Variants in TOPORS observed in about 807,000 individuals in gnomAD.
The protein encoded by TOPORS is TOP1 binding arginine/serine rich protein, E3 ubiquitin ligase.
TOPORS carries 25 observed loss-of-function variants against 81.4 expected under a neutral mutation model. The observed-to-expected ratio is 0.31, with a 90% CI of 0.22 to 0.43. The LOEUF (loss-of-function observed/expected upper bound fraction) is 0.43. TOPORS is among the 20% of genes least tolerant of loss of function. TOPORS has a pLI of 1.00. For synonymous variants in TOPORS, 473 were observed against 456.6 expected, an observed-to-expected ratio of 1.04 and a Z score of -0.46; for missense variants, 1,101 against 1,267.0, an observed-to-expected ratio of 0.87 and a Z score of 1.99.
chr9:32,547,999 A>ATTTTTT (rs747727912), intron 2 of TOPORS, among the ~76,000 whole-genome samples: 35 of 83,712 alleles, frequency 4.2e-4, no homozygotes, highest in African/African-American at 6.3e-4. Context: ...CACGCTCGGC[A>ATTTTTT]TTTTTTTTTT....
In TOPORS at chr9:32,550,920, C is replaced by T. The variant is rs2118981512; in HGVS notation, c.52G>A (p.Ala18Thr). The part of the protein sequence containing the change: ...GSPLSREEGE[A>T]PPPAPASEGR... ...TCCGAAGCGGGAGCAGGCGGGGGCG[C>T]TTCACCCTCCTCGCGAGACAGCGGA... is the stretch of plus-strand genomic sequence containing the variant. The change falls in exon 2 of 3, where the codon GCG becomes ACG. Residue 18 changes from alanine to threonine, a missense_variant. Transcript: ENST00000360538. The T allele has an allele frequency of 6.2e-7, 1 of 1,612,672 alleles. No individual in the cohort carries two copies. The highest frequency in any genetic ancestry group is 8.5e-7 in the Non-Finnish European group (1 of 1,179,808).
chr9:32,551,855 C>A, intron 1 of TOPORS: 2 of 432,420 alleles, frequency 4.6e-6, no homozygotes, highest in South Asian at 1.6e-5. Context: ...TTACGCTATA[C>A]GTTTCTGAAG....
chr9:32,541,309 A>T lies in TOPORS; in HGVS notation c.*78T>A. On this transcript the variant is annotated 3_prime_UTR_variant, in exon 3 of 3. Coordinates refer to ENST00000360538, the MANE Select transcript of TOPORS (RefSeq NM_005802.5). ...AGAGTTTTCACCAAATGTCATCTTT[A>T]AATAGACTGCAGTAGACGACATTCT... 2.1e-6 allele frequency: 3 copies of T among 1,395,466 alleles called. No individual in the cohort carries two copies. The highest frequency in any genetic ancestry group is 3.0e-6 in the Non-Finnish European group (3 of 994,536). 86.4% of individuals were successfully genotyped at this position (1,395,466 alleles called of 1,614,324 possible). A position where few individuals can be genotyped will look rare whatever the true frequency, so the allele number is the denominator to read the frequency against.
At chr9:32,551,058 A>G in intron 1 of TOPORS, 90 bp from the exon 2 acceptor site, 3 of 1,379,938 alleles carry the variant, frequency 2.2e-6, no homozygotes, top group East Asian at 2.4e-5. Context: ...TCAAAACACA[A>G]CACCCGCCTT....
rs1374300808 is a variant in TOPORS, at chr9:32,543,933, G to A, written c.592C>T (p.Pro198Ser). Reference sequence around the variant, plus strand: ...GGAGTTGTTGTTCTTCTGTTCACAGGACCACTAGGTGAATACACAGAAGCA... The same window carrying A: ...GGAGTTGTTGTTCTTCTGTTCACAGAACCACTAGGTGAATACACAGAAGCA... Reference protein sequence around the residue: ...RNASVYSPSGPVNRRTTTPPD... With the variant: ...RNASVYSPSGSVNRRTTTPPD... The change falls in exon 3 of 3, where the codon CCT becomes TCT. Residue 198 changes from proline to serine, a missense_variant. Pro to Ser is a moderately conservative substitution (Grantham distance 74). Transcript: ENST00000360538. This position sits in a 1 kb window ranked among gnomAD's most constrained non-coding sequence, Gnocchi z 5.6. 1.2e-6 allele frequency: 2 copies of A among 1,614,026 alleles called. No homozygotes were observed. The highest frequency in any genetic ancestry group is 1.7e-6 in the Non-Finnish European group (2 of 1,179,978).
At position 32,550,956 on chromosome 9, in the gene TOPORS, G is replaced by C; in HGVS notation, c.16C>G (p.Pro6Ala). 1 of 1,611,210 alleles carries C rather than the reference G, an allele frequency of 6.2e-7. No homozygotes were observed. Among genetic ancestry groups the C allele is most frequent in the South Asian group, 1.1e-5 (1 of 91,084 alleles). ...TCGCGAGACAGCGGAGACCCCAGCG[G>C]CGGCTGCGACCCCTGTGACGCAAAG... MGSQP[P>A]LGSPLSREEG... Residue 6 changes from proline to alanine, a missense_variant, in exon 2 of 3, where the codon CCG becomes GCG. Pro to Ala is a conservative substitution (Grantham distance 27). Transcript: ENST00000360538.
chr9:32,543,917 G>A lies in TOPORS; in HGVS notation c.608C>T (p.Thr203Ile), dbSNP rs2118969266. ...YSPSGPVNRR[T>I]TTPPDSGVLF... ...TACTCCACTATCCGGTGGAGTTGTT[G>A]TTCTTCTGTTCACAGGACCACTAGG... The change falls in exon 3 of 3, where the codon ACA (threonine) becomes ATA (isoleucine). Residue 203 changes from threonine (T) to isoleucine (I), a missense_variant. Around this residue, in one of 9 missense-constraint regions of TOPORS, gnomAD observed 120 missense variants for 115.4 expected, o/e 1.04. Coordinates refer to ENST00000360538, the MANE Select transcript of TOPORS (RefSeq NM_005802.5). This position sits in a 1 kb window ranked among gnomAD's most constrained non-coding sequence, Gnocchi z 5.6. 1 of 1,614,116 alleles carries A rather than the reference G, an allele frequency of 6.2e-7. No individual in the cohort carries two copies. The highest frequency in any genetic ancestry group is 8.5e-7 in the Non-Finnish European group (1 of 1,180,000).
rs886063854 is a variant in TOPORS at position 32,543,099 on chromosome 9, C to G, written c.1426G>C (p.Asp476His). 33 of 1,614,040 alleles carry G rather than the reference C, an allele frequency of 2.0e-5. No individual in the cohort carries two copies. The highest frequency in any genetic ancestry group is 2.8e-5 in the Non-Finnish European group (33 of 1,180,034). Residue 476 changes from aspartate (D) to histidine (H), a missense_variant, in exon 3 of 3, where the codon GAT becomes CAT. Physicochemically the swap from Asp to His is moderately conservative, Grantham distance 81. Coordinates refer to ENST00000360538, the MANE Select transcript of TOPORS (RefSeq NM_005802.5). The surrounding 1 kb of genome is among the most constrained non-coding windows in gnomAD (Gnocchi z 5.6). Reference sequence around the variant, plus strand: ...ACAAACCCAACAATGACACAATTATCTGAAGAATCATCACTGTCATTATTT... The same window carrying G: ...ACAAACCCAACAATGACACAATTATGTGAAGAATCATCACTGTCATTATTT... ...DLNNDSDDSSDNCVIVGFVKP... is the reference protein window; with the variant it reads ...DLNNDSDDSSHNCVIVGFVKP...
chr9:32,550,832 A>G lies in TOPORS; in HGVS notation c.140T>C (p.Leu47Pro). ...GCTCGCCGCGAGCTCCCGGCAGCCC[A>G]GAAAGCTAGGTCGGTGTCGGCAGGA... ...RGSCRHRPSF[L>P]GCRELAASAP... is the part of the protein sequence containing the mutation. The change falls in exon 2 of 3, where the codon CTG (leucine) becomes CCG (proline). Residue 47 changes from leucine (L) to proline (P), a missense_variant. Leu to Pro is a moderately conservative substitution (Grantham distance 98). Around this residue, in one of 9 missense-constraint regions of TOPORS, gnomAD observed 131 missense variants for 101.0 expected, o/e 1.30. Coordinates refer to ENST00000360538, the MANE Select transcript of TOPORS (RefSeq NM_005802.5). 2 of 1,612,904 alleles carry G rather than the reference A, an allele frequency of 1.2e-6. No homozygotes were observed. Among genetic ancestry groups the G allele is most frequent in the Non-Finnish European group, 1.7e-6 (2 of 1,179,728 alleles).
chr9:32,543,235 C>G lies in TOPORS; in HGVS notation c.1290G>C (p.Gln430His), dbSNP rs1821096881. Residue 430 changes from glutamine (Q) to histidine (H), a missense_variant, in exon 3 of 3, where the codon CAG becomes CAC. Physicochemically the swap from Gln to His is conservative, Grantham distance 24. Coordinates refer to ENST00000360538, the MANE Select transcript of TOPORS (RefSeq NM_005802.5). The surrounding 1 kb of genome is among the most constrained non-coding windows in gnomAD (Gnocchi z 5.6). ...AAAGAGAAGACATAGTAACGTGTAC[C>G]TGCTCTGAGCTTGAGTAAGATGGTC... ...TPGPSYSSSE[Q>H]VHVTMSSLLN... The G allele has an allele frequency of 6.2e-7, 1 of 1,613,604 alleles. No homozygotes were observed. Among genetic ancestry groups the G allele is most frequent in the Non-Finnish European group, 8.5e-7 (1 of 1,180,018 alleles).
Position 32,541,288 on chromosome 9 carries a change from T to G in TOPORS, c.*99A>C. 8.4e-7 allele frequency: 1 copy of G among 1,196,438 alleles called. No individual in the cohort carries two copies. The highest frequency in any genetic ancestry group is 1.2e-6 in the Non-Finnish European group (1 of 842,884). The allele number at this position is 1,196,438 out of a possible 1,614,324, so 74.1% of individuals were successfully genotyped here. On this transcript the variant is annotated 3_prime_UTR_variant, in exon 3 of 3. Coordinates refer to ENST00000360538, the MANE Select transcript of TOPORS (RefSeq NM_005802.5). Reference sequence around the variant, plus strand: ...TAAAATATTGTAAGGAGGAAGAGAGTTTTCACCAAATGTCATCTTTAAATA... The same window carrying G: ...TAAAATATTGTAAGGAGGAAGAGAGGTTTCACCAAATGTCATCTTTAAATA...
intron 2 of TOPORS, among the ~76,000 whole-genome samples, chr9:32,545,812 AATATTCATCTTCCTCCACCTCCTTT>A (rs1563985183): frequency 6.6e-6 from 1 of 152,176 alleles, no homozygotes; most frequent in Non-Finnish European, 1.5e-5. Flanking sequence ...CCCAGGGCCT[AATATTCATCTTCCTCCACCTCCTTT>A]ATCACAGGAG....
rs770612022 is a variant in TOPORS, at chr9:32,542,968, C to T, written c.1557G>A (p.Glu519=). 1 of 1,614,184 alleles carries T rather than the reference C, an allele frequency of 6.2e-7. No individual in the cohort carries two copies. Among genetic ancestry groups the T allele is most frequent in the Non-Finnish European group, 8.5e-7 (1 of 1,180,028 alleles). Residue 519 remains glutamate, a synonymous_variant, in exon 3 of 3, where the codon GAG becomes GAA. Coordinates refer to ENST00000360538, the MANE Select transcript of TOPORS (RefSeq NM_005802.5). ...CGCTATCACCAGAACTGTAAGATTG[C>T]TCCTGTTCTTGTGTCTTCACTGTCT... ...KMETVKTQEQ[E]QSYSSGDSDV... is the part of the protein sequence containing the mutation.
chr9:32,542,497 A>G lies in TOPORS; in HGVS notation c.2028T>C (p.Asp676=), dbSNP rs1459680627. 6.2e-7 allele frequency: 1 copy of G among 1,613,920 alleles called. No homozygotes were observed. Among genetic ancestry groups the G allele is most frequent in the Non-Finnish European group, 8.5e-7 (1 of 1,180,010 alleles). Residue 676 remains aspartate, a synonymous_variant, in exon 3 of 3, where the codon GAT becomes GAC. Transcript: ENST00000360538. ...STSRSRSRSS[D]HGKRRSRSRN... ...TGCTCCGTGATCTTCTTTTACCATG[A>G]TCACTGCTACGAGACCTTGATCTGC...
At chr9:32,546,991 T>C (rs535008447) in intron 2 of TOPORS, among the ~76,000 whole-genome samples, 3 of 152,264 alleles carry the variant, frequency 2.0e-5, no homozygotes, top group African/African-American at 7.2e-5. Flanking sequence ...TGAGCCATAA[T>C]TGCACCACCT....
chr9:32,551,092 A>G (rs887374280), intron 1 of TOPORS, 124 bp from the exon 2 acceptor site: 7 of 1,219,302 alleles, frequency 5.7e-6, no homozygotes, highest in East Asian at 5.1e-5. Flanking sequence ...CAGCAGATGG[A>G]CGCCGGCCTC....
intron 2 of TOPORS, among the ~76,000 whole-genome samples, chr9:32,544,948 T>C (rs190185311): frequency 2.4e-4 from 36 of 152,368 alleles, no homozygotes; most frequent in African/African-American, 8.4e-4. Context: ...TGATATTTTG[T>C]ATGTACTTTT....
chr9:32,548,572 G>A (rs1394846250), intron 2 of TOPORS, among the ~76,000 whole-genome samples: 1 of 152,078 alleles, frequency 6.6e-6, no homozygotes, highest in East Asian at 1.9e-4. Context: ...TGATCTGCAA[G>A]AGACGTTCTG....
Position 32,541,366 on chromosome 9 carries a change from C to T in TOPORS, c.*21G>A, listed in dbSNP as rs373349764. Reference sequence around the variant, plus strand: ...TTCCTTTTTATAACATCATAATTCTCAATGAAATGCTTTGGCAGTTTTAAG... The same window carrying T: ...TTCCTTTTTATAACATCATAATTCTTAATGAAATGCTTTGGCAGTTTTAAG... On this transcript the variant is annotated 3_prime_UTR_variant, in exon 3 of 3. Coordinates refer to ENST00000360538, the MANE Select transcript of TOPORS (RefSeq NM_005802.5). 86 of 1,612,714 alleles carry T rather than the reference C, an allele frequency of 5.3e-5. No individual in the cohort carries two copies. The African/African-American group carries it at 7.3e-4, about 14-fold the overall frequency.
Sources: gnomAD v4.1 joint callset for allele counts (sites outside exome capture counted in the v4.1 genomes callset) on GRCh38, gnomAD v4.1.1 for gene constraint, gnomAD v4.1.1 regional missense constraint, Gnocchi (gnomAD v3.1) non-coding constraint, MANE v1.5 for transcripts, NCBI Gene and HGNC (gene_info 2026-07-23, HGNC 2026-07-21) for gene names.